The following CNTNAP2 variants were observed in gnomAD, a reference collection of about 807,000 sequenced individuals.
CNTNAP2 encodes the protein contactin associated protein 2, also known as contactin-associated protein-like 2.
CNTNAP2 carries 98 observed loss-of-function variants against 155.2 expected under a neutral mutation model. The ratio of observed to expected loss-of-function variants is 0.63; its 90% CI spans 0.54 to 0.75. The LOEUF (loss-of-function observed/expected upper bound fraction) is 0.75. Ranked by LOEUF, CNTNAP2 falls within the 30% of genes least tolerant of loss-of-function variation. The probability of loss-of-function intolerance (pLI) is 0.00; values close to 1 mark genes in which losing one functional copy is unlikely to be tolerated. For missense variants in CNTNAP2, 1,727 were observed against 1,688.1 expected (o/e 1.02, Z -0.40); for synonymous variants, 651 against 631.2 (o/e 1.03, Z -0.47).
intron 15 of CNTNAP2, among the ~76,000 whole-genome samples, chr7:148,081,449 A>G (rs1308181069): frequency 6.6e-6 from 1 of 152,028 alleles, no homozygotes; most frequent in Non-Finnish European, 1.5e-5. Flanking sequence ...TAGAATATAA[A>G]GCAGGCAGAA....
chr7:146,780,647 A>G (rs1358883078), intron 2 of CNTNAP2, among the ~76,000 whole-genome samples: 1 of 152,036 alleles, frequency 6.6e-6, no homozygotes, highest in Non-Finnish European at 1.5e-5. Context: ...GATGGACTGG[A>G]TAAAGAAAAT....
chr7:146,118,820 A>C (rs1417082160), intron 1 of CNTNAP2, among the ~76,000 whole-genome samples: 1 of 152,168 alleles, frequency 6.6e-6, no homozygotes, highest in East Asian at 1.9e-4. Flanking sequence ...ATGGCCATTA[A>C]GATTTTTTAT....
chr7:146,727,122 T>A (rs1801443209), intron 1 of CNTNAP2, among the ~76,000 whole-genome samples: 1 of 152,142 alleles, frequency 6.6e-6, no homozygotes, highest in Admixed American at 6.6e-5. Flanking sequence ...AAACATATGG[T>A]CCTATAAACC....
chr7:146,847,046 G>T (rs1262769765), intron 3 of CNTNAP2, among the ~76,000 whole-genome samples: 1 of 151,730 alleles, frequency 6.6e-6, no homozygotes, highest in African/African-American at 2.4e-5. Context: ...TTTTTACATT[G>T]AACTCAATGC....
intron 8 of CNTNAP2, among the ~76,000 whole-genome samples, chr7:147,247,827 TAGG>T (rs1369827589): frequency 6.6e-6 from 1 of 152,194 alleles, no homozygotes; most frequent in East Asian, 1.9e-4. Context: ...CTTATTTCCT[TAGG>T]AGAAGAGTGT....
chr7:146,125,916 A>C (rs538967436), intron 1 of CNTNAP2, among the ~76,000 whole-genome samples: 3 of 152,332 alleles, frequency 2.0e-5, no homozygotes, highest in Admixed American at 6.5e-5. Context: ...GCAGCAGTAC[A>C]TATTATACTT....
chr7:146,589,429 A>G (rs1429582201), intron 1 of CNTNAP2, among the ~76,000 whole-genome samples: 1 of 152,162 alleles, frequency 6.6e-6, no homozygotes, highest in Non-Finnish European at 1.5e-5. Context: ...ATAAAAAAGG[A>G]TGAGTTCATG....
intron 3 of CNTNAP2, among the ~76,000 whole-genome samples, chr7:147,042,364 C>A (rs6951025): frequency 0.047 from 7,148 of 152,146 alleles, 214 homozygotes; most frequent in African/African-American, 0.076. Context: ...TGTTTCAATG[C>A]GGAGGAAATC....
At chr7:147,138,045 C>T (rs575259954) in intron 8 of CNTNAP2, among the ~76,000 whole-genome samples, 6 of 151,990 alleles carry the variant, frequency 3.9e-5, no homozygotes, top group African/African-American at 1.4e-4. Flanking sequence ...AAATAATCTA[C>T]ATACACCATA....
At chr7:148,025,584 T>C (rs1392668822) in intron 15 of CNTNAP2, among the ~76,000 whole-genome samples, 1 of 152,234 alleles carries the variant, frequency 6.6e-6, no homozygotes, top group East Asian at 1.9e-4. Flanking sequence ...GATTAACCCA[T>C]CAGGCTGCTA....
chr7:147,726,298 G>T (rs1796641693), intron 13 of CNTNAP2, among the ~76,000 whole-genome samples: 1 of 151,906 alleles, frequency 6.6e-6, no homozygotes, highest in Non-Finnish European at 1.5e-5. Context: ...GAAGACTTTT[G>T]GCGGTGTGGA....
intron 1 of CNTNAP2, among the ~76,000 whole-genome samples, chr7:146,505,875 C>T (rs137896982): frequency 8.5e-5 from 13 of 152,262 alleles, no homozygotes; most frequent in Admixed American, 2.6e-4. Flanking sequence ...TTTTCATGGC[C>T]GCTCATTCAA....
At chr7:147,326,126 G>T (rs542489282) in intron 9 of CNTNAP2, among the ~76,000 whole-genome samples, 1 of 152,098 alleles carries the variant, frequency 6.6e-6, no homozygotes, top group Non-Finnish European at 1.5e-5. Flanking sequence ...GGGTTTCACC[G>T]TGTTAGCCAG....
intron 8 of CNTNAP2, among the ~76,000 whole-genome samples, chr7:147,294,455 G>GAT (rs1336732857): frequency 3.3e-5 from 5 of 152,088 alleles, no homozygotes; most frequent in African/African-American, 1.2e-4. Flanking sequence ...TAAGATATAG[G>GAT]ATAAGTTTCC....
At chr7:146,859,659 C>CA (rs541299849) in intron 3 of CNTNAP2, among the ~76,000 whole-genome samples, 2,202 of 140,772 alleles carry the variant, frequency 0.016, 42 homozygotes, top group African/African-American at 0.049. Context: ...AATTCCGTCT[C>CA]AAAAAAAAAA....
chr7:146,595,576 A>G (rs1173764319), intron 1 of CNTNAP2, among the ~76,000 whole-genome samples: 1 of 152,018 alleles, frequency 6.6e-6, no homozygotes, highest in Admixed American at 6.6e-5. Flanking sequence ...GGCAGGAGCA[A>G]TTCTTGAAAC....
intron 1 of CNTNAP2, among the ~76,000 whole-genome samples, chr7:146,651,302 T>C (rs1799907228): frequency 6.6e-6 from 1 of 152,136 alleles, no homozygotes; most frequent in Non-Finnish European, 1.5e-5. Context: ...AGGAAAAACA[T>C]AGGATCATAA....
At chr7:148,064,345 T>G (rs1455072615) in intron 15 of CNTNAP2, among the ~76,000 whole-genome samples, 1 of 152,124 alleles carries the variant, frequency 6.6e-6, no homozygotes, top group Non-Finnish European at 1.5e-5. Context: ...CAATATTTAT[T>G]CTACCTATCC....
rs563803803 is a variant in CNTNAP2 at position 147,414,696 on chromosome 7, C to G, written c.1670+18916C>G. 1.6e-4 allele frequency among the ~76,000 whole-genome samples: 25 copies of G among 152,038 alleles called. No homozygotes were observed. In the South Asian group the frequency reaches 5.0e-3, roughly 30 times the overall value. The stretch of plus-strand genomic sequence containing the variant: ...GTGGCTCACGCCTGTAATCCCAGCA[C>G]TTTGGGAGGCCAAGGTGGGCGGATC... On this transcript the variant is annotated intron_variant, in intron 10 of 23. Transcript: ENST00000361727.
Sources: gnomAD v4.1 joint callset for allele counts (sites outside exome capture counted in the v4.1 genomes callset) on GRCh38, gnomAD v4.1.1 for gene constraint, MANE v1.5 for transcripts, NCBI Gene and HGNC (gene_info 2026-07-23, HGNC 2026-07-21) for gene names.